Variants in ITGB5 observed in about 807,000 individuals in gnomAD.
ITGB5 encodes integrin beta-5.
ITGB5 carries 38 observed loss-of-function variants against 84.8 expected under a neutral mutation model. That is an observed-to-expected ratio of 0.45 (90% confidence interval 0.35 to 0.59). The LOEUF is 0.59. Ranked by LOEUF, ITGB5 falls within the 20% of genes least tolerant of loss-of-function variation. The probability of loss-of-function intolerance (pLI) is 0.01; values close to 1 mark genes in which losing one functional copy is unlikely to be tolerated. For missense variants in ITGB5, 905 were observed against 1,034.5 expected, an observed-to-expected ratio of 0.87 and a Z score of 1.72; for synonymous variants, 393 against 414.4, an observed-to-expected ratio of 0.95 and a Z score of 0.63.
At chr3:124,774,337 T>C (rs891903987) in intron 10 of ITGB5, among the ~76,000 whole-genome samples, 12 of 152,208 alleles carry the variant, frequency 7.9e-5, no homozygotes, top group African/African-American at 2.9e-4. Flanking sequence ...TCTCCTGGAT[T>C]GTCTCTGTGG....
At chr3:124,875,225 A>T (rs1019800526) in intron 1 of ITGB5, among the ~76,000 whole-genome samples, 3 of 152,180 alleles carry the variant, frequency 2.0e-5, no homozygotes, top group Non-Finnish European at 4.4e-5. Flanking sequence ...CACCTGTAAT[A>T]CTAGCACTTT....
At chr3:124,815,149 C>G (rs1278079634) in intron 8 of ITGB5, among the ~76,000 whole-genome samples, 2 of 152,252 alleles carry the variant, frequency 1.3e-5, no homozygotes, top group Admixed American at 1.3e-4. Context: ...AAGAAAGCCT[C>G]CTGCTCCCTG....
At chr3:124,770,633 G>A (rs556687228) in intron 11 of ITGB5, among the ~76,000 whole-genome samples, 2 of 152,274 alleles carry the variant, frequency 1.3e-5, no homozygotes, top group African/African-American at 4.8e-5. Flanking sequence ...AGGAGAACTT[G>A]AGGTTCTGCA....
chr3:124,764,833 G>A (rs1046621096), intron 13 of ITGB5, among the ~76,000 whole-genome samples: 8 of 152,340 alleles, frequency 5.3e-5, no homozygotes, highest in South Asian at 2.1e-4. Flanking sequence ...CCCACATCCC[G>A]CCTGGCCCAG....
chr3:124,800,984 G>A (rs1006931433), intron 9 of ITGB5, among the ~76,000 whole-genome samples: 1 of 152,192 alleles, frequency 6.6e-6, no homozygotes, highest in African/African-American at 2.4e-5. Flanking sequence ...CTGTGGAGCT[G>A]ACTGGCCTGA....
chr3:124,775,272 GTA>G (rs775033801), intron 10 of ITGB5, among the ~76,000 whole-genome samples: 14 of 151,252 alleles, frequency 9.3e-5, no homozygotes, highest in Non-Finnish European at 1.9e-4. Flanking sequence ...GTATTTAAGT[GTA>G]TGTTTGTGAG....
chr3:124,765,855 G>A (rs1053418810), intron 13 of ITGB5, among the ~76,000 whole-genome samples: 3 of 152,028 alleles, frequency 2.0e-5, no homozygotes, highest in Non-Finnish European at 2.9e-5. Context: ...CCAGGAGTTC[G>A]AGACCAGCCT....
At chr3:124,896,757 A>AG (rs1935111202) in intron 1 of ITGB5, among the ~76,000 whole-genome samples, 2 of 148,878 alleles carry the variant, frequency 1.3e-5, no homozygotes, top group African/African-American at 5.0e-5. Flanking sequence ...AAAAAAAAAA[A>AG]AAAAAAGGGA....
At chr3:124,780,709 TC>T (rs3841933) in intron 10 of ITGB5, 36,311 of 124,622 alleles carry the variant, frequency 0.29, 6,627 homozygotes, top group African/African-American at 0.52. Flanking sequence ...TGCCTTAGTG[TC>T]CCCCCCCCCG....
intron 8 of ITGB5, among the ~76,000 whole-genome samples, chr3:124,810,487 A>G (rs905696080): frequency 6.6e-6 from 1 of 152,114 alleles, no homozygotes; most frequent in African/African-American, 2.4e-5. Flanking sequence ...GCCTGTAGCT[A>G]CTCAGGGGGC....
chr3:124,796,169 G>C (rs1349127532), intron 10 of ITGB5, among the ~76,000 whole-genome samples: 2 of 152,176 alleles, frequency 1.3e-5, no homozygotes, highest in African/African-American at 4.8e-5. Flanking sequence ...CTCGAATTCT[G>C]AGAGTCCACA....
rs565096732 is a variant in ITGB5 at position 124,857,754 on chromosome 3, T to G, written c.361+1488A>C. Among the ~76,000 whole-genome samples the G allele has an allele frequency of 7.3e-4, 111 of 152,286 alleles. 3 individuals are homozygous for G. In the South Asian group the frequency reaches 0.015, roughly 20 times the overall value. On this transcript the variant is annotated intron_variant, in intron 3 of 14. Coordinates refer to ENST00000296181, the MANE Select transcript of ITGB5 (RefSeq NM_002213.5). ...AAAAGTGGTGAACTAGAAACAGCCATGGGTTTGTGGTTACCAAGACCTGGG... is the reference window on the plus strand; with the variant it reads ...AAAAGTGGTGAACTAGAAACAGCCAGGGGTTTGTGGTTACCAAGACCTGGG...
chr3:124,807,941 CAAAAAAAAAAAAAAAAAAAAAAAAAAA>C lies in ITGB5; in HGVS notation c.1263+1054_1263+1080del, dbSNP rs552552243. ...TGGGCGACAGAGCGAGACTTCATCT[CAAAAAAAAAAAAAAAAAAAAAAAAAAA>C]AAAAAAAAAAAAGAGGTATGTCTGT... On this transcript the variant is annotated intron_variant, in intron 9 of 14. Transcript: ENST00000296181. Among the ~76,000 whole-genome samples the C allele has an allele frequency of 1.5e-3, 40 of 26,772 alleles. 1 individual carries two copies. Among genetic ancestry groups the C allele is most frequent in the African/African-American group, 4.4e-3 (38 of 8,732 alleles). The allele number at this position is 26,772 out of a possible 152,430, so 17.6% of individuals were successfully genotyped here.
chr3:124,805,754 C>CT (rs202067672), intron 9 of ITGB5, among the ~76,000 whole-genome samples: 57 of 146,932 alleles, frequency 3.9e-4, no homozygotes, highest in South Asian at 1.3e-3. Context: ...GCCTGGCGGA[C>CT]TTTTTTTTTT....
At chr3:124,886,865 G>C in intron 1 of ITGB5, 66 bp downstream of exon 1, 1 of 1,057,574 alleles carries the variant, frequency 9.5e-7, no homozygotes. Flanking sequence ...CCGCCCCTCC[G>C]AGACGCCCGC....
chr3:124,869,083 G>T (rs1438295676), intron 2 of ITGB5, among the ~76,000 whole-genome samples: 3 of 152,136 alleles, frequency 2.0e-5, no homozygotes, highest in Non-Finnish European at 4.4e-5. Context: ...TCTGGAGCAG[G>T]AGAATCCCCA....
At chr3:124,874,836 C>T (rs1466984586) in intron 1 of ITGB5, among the ~76,000 whole-genome samples, 2 of 152,170 alleles carry the variant, frequency 1.3e-5, no homozygotes, top group Non-Finnish European at 2.9e-5. Context: ...TTATCTCACA[C>T]TATATTTAAA....
intron 2 of ITGB5, among the ~76,000 whole-genome samples, chr3:124,869,659 C>T (rs188601309): frequency 6.6e-6 from 1 of 152,170 alleles, no homozygotes; most frequent in Non-Finnish European, 1.5e-5. Flanking sequence ...GGAAAAGTCA[C>T]CCCCAAAGAA....
At chr3:124,828,375 G>A (rs1018807656) in intron 5 of ITGB5, among the ~76,000 whole-genome samples, 3 of 152,164 alleles carry the variant, frequency 2.0e-5, no homozygotes, top group African/African-American at 4.8e-5. Flanking sequence ...CACTAACGGC[G>A]TGAATGAATC....
Sources: allele counts gnomAD v4.1 joint callset (sites outside exome capture counted in the v4.1 genomes callset), GRCh38; gene constraint gnomAD v4.1.1; transcripts MANE v1.5; gene names NCBI Gene and HGNC (gene_info 2026-07-23, HGNC 2026-07-21).